The following HELQ variants were observed in gnomAD, a reference collection of about 807,000 sequenced individuals.
HELQ encodes the protein helicase POLQ-like.
HELQ carries 77 observed loss-of-function variants against 111.6 expected under a neutral mutation model. The observed-to-expected ratio is 0.69, with a 90% confidence interval of 0.57 to 0.83. The LOEUF is 0.83. Among genes scored for constraint, HELQ ranks in the 40% least tolerant of loss-of-function variants. The pLI, the probability that HELQ is intolerant of heterozygous loss-of-function variation, is 0.00. For synonymous variants in HELQ, 438 were observed against 454.7 expected, an observed-to-expected ratio of 0.96 and a Z score of 0.47; for missense variants, 1,200 against 1,288.5, an observed-to-expected ratio of 0.93 and a Z score of 1.05.
At chr4:83,433,163 A>G (rs1193345832) in intron 9 of HELQ, among the ~76,000 whole-genome samples, 1 of 152,222 alleles carries the variant, frequency 6.6e-6, no homozygotes, top group Non-Finnish European at 1.5e-5. Flanking sequence ...TTGTTTACCT[A>G]TACTAGTCAA....
intron 17 of HELQ, among the ~76,000 whole-genome samples, chr4:83,408,349 T>C (rs1738902939): frequency 6.6e-6 from 1 of 152,044 alleles, no homozygotes; most frequent in South Asian, 2.1e-4. Flanking sequence ...CCTCCCAGGT[T>C]CAAGTGATTC....
intron 6 of HELQ, among the ~76,000 whole-genome samples, chr4:83,442,802 C>G (rs1368053515): frequency 6.6e-6 from 1 of 151,990 alleles, no homozygotes; most frequent in Admixed American, 6.6e-5. Flanking sequence ...TTCTCATGCC[C>G]CGGCCTCTTA....
intron 1 of HELQ, among the ~76,000 whole-genome samples, 193 bp from the exon 2 acceptor site, chr4:83,454,138 G>C (rs1052362600): frequency 2.0e-5 from 3 of 152,178 alleles, no homozygotes; most frequent in South Asian, 2.1e-4. Flanking sequence ...GGGAAGCGCA[G>C]GTTGCGGTAA....
chr4:83,408,983 G>A (rs1738944826), intron 17 of HELQ, among the ~76,000 whole-genome samples: 1 of 152,144 alleles, frequency 6.6e-6, no homozygotes, highest in African/African-American at 2.4e-5. Context: ...GAGAATGGGT[G>A]AAAAGGGAGG....
chr4:83,410,325 G>A lies in HELQ; in HGVS notation c.3199-2765C>T, dbSNP rs185760036. ...TACCAGTAGAATTTGTGTTTCAAAT[G>A]TATAACAGCCACACTGAAGCAGATT... On this transcript the variant is annotated intron_variant, in intron 17 of 17. Coordinates refer to ENST00000295488, the MANE Select transcript of HELQ (RefSeq NM_133636.5). Among the ~76,000 whole-genome samples the A allele has an allele frequency of 2.2e-3, 335 of 152,322 alleles. 4 individuals carry two copies. Among genetic ancestry groups the A allele is most frequent in the Admixed American group, 5.9e-3 (90 of 15,290 alleles).
intron 16 of HELQ, 130 bp downstream of exon 16, chr4:83,417,963 T>C (rs1739452264): frequency 2.0e-6 from 1 of 503,604 alleles, no homozygotes; most frequent in Non-Finnish European, 3.6e-6. Flanking sequence ...AAATAAAAGA[T>C]TCCCATGACA....
intron 4 of HELQ, 148 bp from the exon 5 acceptor site, chr4:83,446,234 T>C: frequency 3.4e-6 from 2 of 590,160 alleles, no homozygotes; most frequent in Non-Finnish European, 5.9e-6. Context: ...TACATGTATA[T>C]TATTTCACTG....
intron 6 of HELQ, 67 bp downstream of exon 6, chr4:83,443,450 A>G: frequency 4.2e-6 from 3 of 714,260 alleles, no homozygotes; most frequent in Non-Finnish European, 7.1e-6. Flanking sequence ...TCCTATGTTT[A>G]CTACTTTCAT....
intron 5 of HELQ, 60 bp downstream of exon 5, chr4:83,445,954 G>A: frequency 9.3e-7 from 1 of 1,071,524 alleles, no homozygotes; most frequent in Non-Finnish European, 1.4e-6. Flanking sequence ...ATAGAATTAA[G>A]TATTTTATAA....
At chr4:83,418,634 T>C (rs1007307977) in intron 15 of HELQ, among the ~76,000 whole-genome samples, 6 of 152,184 alleles carry the variant, frequency 3.9e-5, no homozygotes, top group African/African-American at 1.4e-4. Context: ...AAGCCATGAG[T>C]CAATAACTGT....
At chr4:83,410,327 A>G (rs1344624571) in intron 17 of HELQ, among the ~76,000 whole-genome samples, 4 of 152,240 alleles carry the variant, frequency 2.6e-5, no homozygotes, top group Non-Finnish European at 4.4e-5. Context: ...TTTCAAATGT[A>G]TAACAGCCAC....
chr4:83,431,699 T>C lies in HELQ; in HGVS notation c.2260A>G (p.Ile754Val), dbSNP rs981685214. 4 of 1,561,164 alleles carry C rather than the reference T, an allele frequency of 2.6e-6. No individual in the cohort carries two copies. The African/African-American group carries it at 5.6e-5, about 22-fold the overall frequency. ...ATCAAAGAGAGAAATAATGTTTGGATTCCCTTGGTGAATTCCTGAACAAGA... is the reference window on the plus strand; with the variant it reads ...ATCAAAGAGAGAAATAATGTTTGGACTCCCTTGGTGAATTCCTGAACAAGA... ...SHLVQEFTKGIQTLFLSLIGL... is the reference protein window; with the variant it reads ...SHLVQEFTKGVQTLFLSLIGL... The change falls in exon 11 of 18, where the codon ATC becomes GTC. Residue 754 changes from isoleucine (I) to valine (V), a missense_variant. Ile to Val is a conservative substitution (Grantham distance 29). Transcript: ENST00000295488.
At chr4:83,413,188 T>A (rs1006588597) in intron 17 of HELQ, among the ~76,000 whole-genome samples, 1 of 152,220 alleles carries the variant, frequency 6.6e-6, no homozygotes, top group African/African-American at 2.4e-5. Flanking sequence ...TCCTTTATTA[T>A]ACGCATGTTT....
chr4:83,428,313 T>G (rs968449030), intron 12 of HELQ, among the ~76,000 whole-genome samples: 1 of 140,668 alleles, frequency 7.1e-6, no homozygotes, highest in Non-Finnish European at 1.5e-5. Context: ...AGTTCTTAGG[T>G]TTTTTTTTTT....
At chr4:83,415,372 G>GGTA (rs1179657010) in intron 17 of HELQ, among the ~76,000 whole-genome samples, 1 of 152,178 alleles carries the variant, frequency 6.6e-6, no homozygotes, top group East Asian at 1.9e-4. Flanking sequence ...CAGTTCCAGA[G>GGTA]GTAGTACTCT....
chr4:83,416,643 T>C lies in HELQ; in HGVS notation c.3198+88A>G. The C allele has an allele frequency of 4.0e-6, 5 of 1,245,052 alleles. No homozygotes were observed. The South Asian group carries it at 4.3e-5, about 11-fold the overall frequency. The allele number at this position is 1,245,052 out of a possible 1,614,324, so 77.1% of individuals were successfully genotyped here. On this transcript the variant is annotated intron_variant, in intron 17 of 17. Coordinates refer to ENST00000295488, the MANE Select transcript of HELQ (RefSeq NM_133636.5). ...TCTATAGAAATAAACAGTTATGCAATGTGAAATGTTTTTGTTCTGATGTCT... is the reference window on the plus strand; with the variant it reads ...TCTATAGAAATAAACAGTTATGCAACGTGAAATGTTTTTGTTCTGATGTCT...
In HELQ at chr4:83,446,064, C is replaced by T; in HGVS notation, c.1415G>A (p.Ser472Asn). Residue 472 changes from serine to asparagine, a missense_variant, in exon 5 of 18, where the codon AGC becomes AAC. By Grantham distance (46) the Ser-to-Asn change is conservative. Transcript: ENST00000295488. Reference protein sequence around the residue: ...VDELHMIGEGSRGATLEMTLA... With the variant: ...VDELHMIGEGNRGATLEMTLA... ...GGTCATTTCCAGTGTAGCTCCACGG[C>T]TTCCTTCACCAATCATGTGCAACTT... The T allele has an allele frequency of 2.5e-6, 4 of 1,613,380 alleles. No homozygotes were observed. The highest frequency in any genetic ancestry group is 3.4e-6 in the Non-Finnish European group (4 of 1,179,558).
In HELQ at chr4:83,421,596, G is replaced by A. The variant is rs1398334273; in HGVS notation, c.2916C>T (p.Ala972=). 1 of 1,613,238 alleles carries A rather than the reference G, an allele frequency of 6.2e-7. No individual in the cohort carries two copies. The highest frequency in any genetic ancestry group is 2.2e-5 in the East Asian group (1 of 44,772). The change falls in exon 15 of 18, where the codon GCC becomes GCT. Residue 972 remains alanine (A), a synonymous_variant. Transcript: ENST00000295488. Reference sequence around the variant, plus strand: ...AATGTAACACACAAGATGAGAATGAGGCAGTTCCAGTGAGAAGATTTTGTA... The same window carrying A: ...AATGTAACACACAAGATGAGAATGAAGCAGTTCCAGTGAGAAGATTTTGTA... ...GYIQNLLTGT[A]SFSSCVLHFC...
At chr4:83,451,993 C>T (rs1005528854) in intron 2 of HELQ, among the ~76,000 whole-genome samples, 6 of 152,196 alleles carry the variant, frequency 3.9e-5, no homozygotes, top group South Asian at 4.1e-4. Context: ...AGAAAACTTA[C>T]GAAGTGGAAG....
Sources: gnomAD v4.1 joint callset for allele counts (sites outside exome capture counted in the v4.1 genomes callset) on GRCh38, gnomAD v4.1.1 for gene constraint, MANE v1.5 for transcripts, NCBI Gene and HGNC (gene_info 2026-07-23, HGNC 2026-07-21) for gene names.